Variants in CILK1 observed in about 807,000 individuals in gnomAD.
The protein encoded by CILK1 is serine/threonine-protein kinase ICK.
CILK1 carries 47 observed loss-of-function variants against 79.2 expected under a neutral mutation model. The ratio of observed to expected loss-of-function variants is 0.59; its 90% confidence interval spans 0.47 to 0.76. The LOEUF (loss-of-function observed/expected upper bound fraction) is 0.76. Ranked by LOEUF, CILK1 falls within the 30% of genes least tolerant of loss-of-function variation. The pLI is 0.00. For synonymous variants in CILK1, 266 were observed against 275.9 expected, an observed-to-expected ratio of 0.96 and a Z score of 0.36; for missense variants, 660 against 769.5, an observed-to-expected ratio of 0.86 and a Z score of 1.68.
At position 53,002,772 on chromosome 6, in the gene CILK1, A is replaced by G. The variant is rs1764002129; in HGVS notation, c.*2377T>C. 6.6e-6 allele frequency: 1 copy of G among 152,226 alleles called. No individual in the cohort carries two copies. Among genetic ancestry groups the G allele is most frequent in the Admixed American group, 6.5e-5 (1 of 15,282 alleles). The allele number at this position is 152,226 out of a possible 1,614,324, so 9.4% of individuals were successfully genotyped here. A position where few individuals can be genotyped will look rare whatever the true frequency, so the allele number is the denominator to read the frequency against. On this transcript the variant is annotated 3_prime_UTR_variant, in exon 14 of 14. Transcript: ENST00000676107. ...GGTAAACAAACGAAAGCATAAAAAG[A>G]AAAAAGCGAAGTATTTTCTGAAGTT...
intron 9 of CILK1, among the ~76,000 whole-genome samples, chr6:53,012,692 G>A (rs1562006548): frequency 6.6e-6 from 1 of 152,124 alleles, no homozygotes; most frequent in East Asian, 1.9e-4. Context: ...AGCTACAACA[G>A]GACATTTCCA....
chr6:53,015,980 C>T (rs1764865708), intron 8 of CILK1, 103 bp downstream of exon 8: 2 of 1,188,652 alleles, frequency 1.7e-6, no homozygotes, highest in Non-Finnish European at 2.5e-6. Context: ...GTATTCTGTA[C>T]TATTTCTCAC....
At chr6:53,038,481 C>T (rs1356377590) in intron 2 of CILK1, among the ~76,000 whole-genome samples, 3 of 152,148 alleles carry the variant, frequency 2.0e-5, no homozygotes, top group Admixed American at 6.5e-5. Flanking sequence ...TGCTATCATA[C>T]TAGACAGCAG....
At position 53,003,713 on chromosome 6, in the gene CILK1, C is replaced by T. The variant is rs1234560368; in HGVS notation, c.*1436G>A. 6.6e-6 allele frequency: 1 copy of T among 151,862 alleles called. No homozygotes were observed. The highest frequency in any genetic ancestry group is 1.5e-5 in the Non-Finnish European group (1 of 68,038). 9.4% of individuals were successfully genotyped at this position (151,862 alleles called of 1,614,324 possible). A position where few individuals can be genotyped will look rare whatever the true frequency, so the allele number is the denominator to read the frequency against. ...CTCCAGCCTGGGTGACAGAGTGAGA[C>T]TCTGTCTCAAAAAAAAAATAAAAAA... On this transcript the variant is annotated 3_prime_UTR_variant, in exon 14 of 14. Coordinates refer to ENST00000676107, the MANE Select transcript of CILK1 (RefSeq NM_014920.5).
intron 1 of CILK1, among the ~76,000 whole-genome samples, chr6:53,050,506 TG>T (rs1288684254): frequency 6.6e-6 from 1 of 151,226 alleles, no homozygotes; most frequent in Non-Finnish European, 1.5e-5. Context: ...TAAGTATATA[TG>T]TAAATATGTG....
chr6:53,035,353 G>A (rs930911036), intron 3 of CILK1, among the ~76,000 whole-genome samples: 3 of 150,136 alleles, frequency 2.0e-5, no homozygotes, highest in Non-Finnish European at 3.0e-5. Flanking sequence ...GAAGGAGGGG[G>A]AAATTGTTGC....
chr6:53,038,042 T>C, intron 2 of CILK1, 49 bp from the exon 3 acceptor site: 1 of 1,309,160 alleles, frequency 7.6e-7, no homozygotes, highest in Non-Finnish European at 1.1e-6. Flanking sequence ...CAGTAATAGG[T>C]TAAACTTTGC....
At chr6:53,012,818 CAG>C (rs1362041079) in intron 9 of CILK1, among the ~76,000 whole-genome samples, 1 of 152,150 alleles carries the variant, frequency 6.6e-6, no homozygotes, top group African/African-American at 2.4e-5. Context: ...CTAACTGACA[CAG>C]AAAGTGCCAC....
intron 1 of CILK1, among the ~76,000 whole-genome samples, chr6:53,051,580 C>G (rs1430241022): frequency 2.0e-5 from 3 of 152,174 alleles, no homozygotes; most frequent in Non-Finnish European, 4.4e-5. Context: ...TTAAATCTTC[C>G]TCTGTCTCTA....
rs913001563 is a variant in CILK1 at position 53,004,096 on chromosome 6, T to C, written c.*1053A>G. 6.5e-6 allele frequency: 1 copy of C among 152,824 alleles called. No individual in the cohort carries two copies. Among genetic ancestry groups the C allele is most frequent in the Non-Finnish European group, 1.5e-5 (1 of 68,042 alleles). The allele number at this position is 152,824 out of a possible 1,614,324, so 9.5% of individuals were successfully genotyped here. A position where few individuals can be genotyped will look rare whatever the true frequency, so the allele number is the denominator to read the frequency against. ...TGGCATGTGACTGTGACTTTGTAGA[T>C]GAGTGGAACCTCTGCCATAACTCTT... On this transcript the variant is annotated 3_prime_UTR_variant, in exon 14 of 14. Transcript: ENST00000676107.
intron 5 of CILK1, among the ~76,000 whole-genome samples, chr6:53,026,619 C>A (rs1765598376): frequency 6.6e-6 from 1 of 152,202 alleles, no homozygotes; most frequent in Non-Finnish European, 1.5e-5. Context: ...CATGCTCCAT[C>A]GGTGAGGAGG....
At chr6:53,050,284 A>G (rs1767387896) in intron 1 of CILK1, among the ~76,000 whole-genome samples, 1 of 151,932 alleles carries the variant, frequency 6.6e-6, no homozygotes, top group Non-Finnish European at 1.5e-5. Context: ...TGGCAGCATA[A>G]TATTTCACCC....
rs1275178706 is a variant in CILK1, at chr6:53,032,540, T to G, written c.271A>C (p.Lys91Gln). The part of the protein sequence containing the change: ...YMKENLYQLI[K>Q]ERNKLFPESA... ...ATGATGACCAAACTGTACCTCTCTT[T>G]AATGAGCTGGTAAAGATTTTCCTTC... Residue 91 changes from lysine (K) to glutamine (Q), a missense_variant, in exon 4 of 14, where the codon AAA (lysine) becomes CAA (glutamine). Lys to Gln is a moderately conservative substitution (Grantham distance 53). Coordinates refer to ENST00000676107, the MANE Select transcript of CILK1 (RefSeq NM_014920.5). 19 of 1,606,218 alleles carry G rather than the reference T, an allele frequency of 1.2e-5. No homozygotes were observed. The Admixed American group carries it at 2.2e-4, about 18-fold the overall frequency.
rs1451965521 is a variant in CILK1 at position 53,009,530 on chromosome 6, G to A, written c.1530C>T (p.Gly510=). The A allele has an allele frequency of 1.9e-6, 3 of 1,611,454 alleles. No individual in the cohort carries two copies. In the Admixed American group the frequency reaches 5.0e-5, roughly 27 times the overall value. Residue 510 remains glycine (G), a synonymous_variant, in exon 12 of 14, where the codon GGC becomes GGT. Coordinates refer to ENST00000676107, the MANE Select transcript of CILK1 (RefSeq NM_014920.5). ...SIRNGILSNP[G]KEFIPPNPWS... is the part of the protein sequence containing the mutation. ...ATGGATTAGGTGGAATAAATTCCTT[G>A]CCTGGATTCGAGAGTATGCCATTTC...
In CILK1 at chr6:53,061,771, A is replaced by T. The variant is rs1031536504; in HGVS notation, c.-348T>A. 1.3e-5 allele frequency: 2 copies of T among 152,294 alleles called. No homozygotes were observed. The highest frequency in any genetic ancestry group is 2.1e-4 in the South Asian group (1 of 4,840). 9.4% of individuals were successfully genotyped at this position (152,294 alleles called of 1,614,324 possible). ...GCGAGTCGCACGGGCCGCACGGCGC[A>T]TGGTAGTGCAGCAGGAACCCGGCCG... is the stretch of plus-strand genomic sequence containing the variant. On this transcript the variant is annotated 5_prime_UTR_variant, in exon 1 of 14. The change abolishes an upstream ATG in the 5' untranslated region. Coordinates refer to ENST00000676107, the MANE Select transcript of CILK1 (RefSeq NM_014920.5).
Position 53,041,208 on chromosome 6 carries a change from A to G in CILK1, c.29T>C (p.Leu10Pro). Residue 10 changes from leucine (L) to proline (P), a missense_variant, in exon 2 of 14, where the codon CTC (leucine) becomes CCC (proline). Leu to Pro is a moderately conservative substitution (Grantham distance 98). Coordinates refer to ENST00000676107, the MANE Select transcript of CILK1 (RefSeq NM_014920.5). MNRYTTIRQ[L>P]GDGTYGSVLL... ...GACGGAACCGTAGGTTCCATCCCCGAGCTGCCTGATTGTTGTGTATCTATT... is the reference window on the plus strand; with the variant it reads ...GACGGAACCGTAGGTTCCATCCCCGGGCTGCCTGATTGTTGTGTATCTATT... 1.2e-6 allele frequency: 2 copies of G among 1,613,916 alleles called. No homozygotes were observed. The highest frequency in any genetic ancestry group is 1.3e-5 in the African/African-American group (1 of 75,044).
chr6:53,026,258 G>A (rs937543076), intron 5 of CILK1, among the ~76,000 whole-genome samples: 1 of 152,118 alleles, frequency 6.6e-6, no homozygotes, highest in Non-Finnish European at 1.5e-5. Context: ...TTTGCCTCCT[G>A]GGTTCAAGCT....
chr6:53,024,193 C>A (rs1478401153), intron 5 of CILK1, among the ~76,000 whole-genome samples: 1 of 152,166 alleles, frequency 6.6e-6, no homozygotes, highest in African/African-American at 2.4e-5. Context: ...TGGTACACAC[C>A]TAATGGCCTT....
At chr6:53,042,027 C>T (rs950363352) in intron 1 of CILK1, among the ~76,000 whole-genome samples, 11 of 151,812 alleles carry the variant, frequency 7.2e-5, no homozygotes, top group African/African-American at 2.7e-4. Flanking sequence ...CAGAAATATG[C>T]TGTAGGAACT....
Sources: allele counts gnomAD v4.1 joint callset (sites outside exome capture counted in the v4.1 genomes callset), GRCh38; gene constraint gnomAD v4.1.1; transcripts MANE v1.5; gene names NCBI Gene and HGNC (gene_info 2026-07-23, HGNC 2026-07-21).